PCDHGB1: variants seen among roughly 807,000 people sequenced by gnomAD.
PCDHGB1 encodes protocadherin gamma-B1.
In PCDHGB1, 34 loss-of-function variants were observed where a neutral mutation model predicts 56.6. The observed-to-expected ratio is 0.60, with a 90% CI of 0.46 to 0.80. PCDHGB1 has a LOEUF of 0.80. Ranked by LOEUF, PCDHGB1 falls within the 30% of genes least tolerant of loss-of-function variation. The probability of loss-of-function intolerance (pLI) is 0.00; values close to 1 mark genes in which losing one functional copy is unlikely to be tolerated. For synonymous variants in PCDHGB1, 561 were observed against 505.9 expected (o/e 1.11, Z -1.46); for missense variants, 1,278 against 1,204.6 (o/e 1.06, Z -0.90).
At chr5:141,497,983 C>T (rs2099780927) in intron 2 of PCDHGB1, among the ~76,000 whole-genome samples, 1 of 152,168 alleles carries the variant, frequency 6.6e-6, no homozygotes, top group African/African-American at 2.4e-5. Context: ...GTGGGAGGCC[C>T]CTGCCCTCAA....
intron 1 of PCDHGB1, chr5:141,361,685 AGCGCGCCTTCGATCATGAGCAGCT>A (rs772108372): frequency 1.1e-5 from 18 of 1,613,452 alleles, no homozygotes; most frequent in Non-Finnish European, 1.4e-5. Context: ...GTGTTCGCGC[AGCGCGCCTTCGATCATGAGCAGCT>A]GCGCGCCTTC....
chr5:141,357,443 C>G, intron 1 of PCDHGB1: 2 of 1,614,222 alleles, frequency 1.2e-6, no homozygotes, highest in Non-Finnish European at 8.5e-7. Flanking sequence ...GGGGTTCGGG[C>G]TTTCCTGCAG....
At chr5:141,394,338 T>C in intron 1 of PCDHGB1, 2 of 1,614,048 alleles carry the variant, frequency 1.2e-6, no homozygotes, top group Non-Finnish European at 1.7e-6. Flanking sequence ...CTCCATCAAC[T>C]CTGACACCGG....
chr5:141,433,939 A>T (rs1015984226), intron 1 of PCDHGB1, among the ~76,000 whole-genome samples: 2 of 151,714 alleles, frequency 1.3e-5, no homozygotes, highest in Non-Finnish European at 2.9e-5. Context: ...TTATAATTCC[A>T]TTGTTTCTTC....
rs751302023 is a variant in PCDHGB1 at position 141,364,590 on chromosome 5, C to A, written c.2409+11921C>A. 3.1e-6 allele frequency: 5 copies of A among 1,614,196 alleles called. No homozygotes were observed. The South Asian group carries it at 3.3e-5, about 11-fold the overall frequency. ...CCGCGAAGCGGCAGCTTGGTCACCG[C>A]GGGCAGGATAGACCGGGAGGAGCTC... On this transcript the variant is annotated intron_variant, in intron 1 of 3. Coordinates refer to ENST00000523390, the MANE Select transcript of PCDHGB1 (RefSeq NM_018922.3).
chr5:141,374,602 T>C, intron 1 of PCDHGB1: 2 of 1,613,652 alleles, frequency 1.2e-6, no homozygotes, highest in Non-Finnish European at 1.7e-6. Flanking sequence ...TTAAGCTCAG[T>C]GGTAATAGTC....
At chr5:141,404,780 A>G (rs746373854) in intron 1 of PCDHGB1, 2 of 1,612,764 alleles carry the variant, frequency 1.2e-6, no homozygotes, top group African/African-American at 1.3e-5. Flanking sequence ...CCGCCTATTC[A>G]AGGCCAGTGA....
At chr5:141,383,501 A>G in intron 1 of PCDHGB1, 1 of 1,612,940 alleles carries the variant, frequency 6.2e-7, no homozygotes. Context: ...CGGGTGCTGG[A>G]CCGGGAGGAA....
At chr5:141,443,090 C>T (rs1403922939) in intron 1 of PCDHGB1, among the ~76,000 whole-genome samples, 3 of 151,926 alleles carry the variant, frequency 2.0e-5, no homozygotes, top group Non-Finnish European at 2.9e-5. Context: ...TTCCAGTCTC[C>T]TTCTCAAGCT....
At chr5:141,362,732 A>G in intron 1 of PCDHGB1, 4 of 795,358 alleles carry the variant, frequency 5.0e-6, no homozygotes. Flanking sequence ...TGTGAGATTT[A>G]TTTACCCATG....
intron 1 of PCDHGB1, chr5:141,393,689 C>G (rs2150535299): frequency 6.2e-7 from 1 of 1,613,890 alleles, no homozygotes; most frequent in Middle Eastern, 1.7e-4. Context: ...CTCCGTTATT[C>G]CAGCTTAATG....
chr5:141,455,593 C>G (rs957677108), intron 1 of PCDHGB1, among the ~76,000 whole-genome samples: 19 of 152,068 alleles, frequency 1.2e-4, no homozygotes, highest in African/African-American at 4.6e-4. Context: ...AATATGCAAA[C>G]GTAGGGCGCC....
chr5:141,483,730 T>G (rs999201456), intron 1 of PCDHGB1, among the ~76,000 whole-genome samples: 1 of 152,014 alleles, frequency 6.6e-6, no homozygotes, highest in Non-Finnish European at 1.5e-5. Flanking sequence ...CCCACCATAG[T>G]CAAAAGGATA....
Position 141,399,778 on chromosome 5 carries a change from C to G in PCDHGB1, c.2409+47109C>G, listed in dbSNP as rs187080333. ...GAGCCTGCGCGTGTTGGTGGGCGACCGAAACGACAACGCACCGCGGGTGCT... is the reference window on the plus strand; with the variant it reads ...GAGCCTGCGCGTGTTGGTGGGCGACGGAAACGACAACGCACCGCGGGTGCT... On this transcript the variant is annotated intron_variant, in intron 1 of 3. Coordinates refer to ENST00000523390, the MANE Select transcript of PCDHGB1 (RefSeq NM_018922.3). The G allele has an allele frequency of 3.4e-4, 542 of 1,613,250 alleles. 2 individuals are homozygous for G. The African/African-American group carries it at 5.6e-3, about 17-fold the overall frequency.
At chr5:141,399,192 C>T (rs1561668217) in intron 1 of PCDHGB1, 1 of 1,613,846 alleles carries the variant, frequency 6.2e-7, no homozygotes, top group Non-Finnish European at 8.5e-7. Flanking sequence ...TTCTGGAAAA[C>T]GCGGTGCCTG....
chr5:141,374,636 G>A, intron 1 of PCDHGB1: 1 of 1,612,960 alleles, frequency 6.2e-7, no homozygotes, highest in Non-Finnish European at 8.5e-7. Flanking sequence ...CGTGCAAAGC[G>A]AAGCCCATGG....
Position 141,364,369 on chromosome 5 carries a change from G to A in PCDHGB1, c.2409+11700G>A, listed in dbSNP as rs561217831. The A allele has an allele frequency of 3.3e-5, 52 of 1,567,648 alleles. 1 individual carries two copies. Among genetic ancestry groups the A allele is most frequent in the Non-Finnish European group, 3.6e-5 (42 of 1,158,852 alleles). Reference sequence around the variant, plus strand: ...CTAGGGGCTGGGGCTGCGGAGAGCTGCTGCTGCCCTTCATGCTCCTGGGGA... The same window carrying A: ...CTAGGGGCTGGGGCTGCGGAGAGCTACTGCTGCCCTTCATGCTCCTGGGGA... On this transcript the variant is annotated intron_variant, in intron 1 of 3. Coordinates refer to ENST00000523390, the MANE Select transcript of PCDHGB1 (RefSeq NM_018922.3).
intron 1 of PCDHGB1, chr5:141,400,041 G>T (rs1354740714): frequency 1.2e-6 from 2 of 1,613,566 alleles, no homozygotes; most frequent in South Asian, 2.2e-5. Context: ...GCCAGCGCCT[G>T]CTGGTTGCTG....
chr5:141,428,090 G>A (rs1415146154), intron 1 of PCDHGB1: 1 of 1,608,870 alleles, frequency 6.2e-7, no homozygotes, highest in Non-Finnish European at 8.5e-7. Flanking sequence ...ACGCTTGGCT[G>A]TCCTACCACG....
Sources: gnomAD v4.1 joint callset for allele counts (sites outside exome capture counted in the v4.1 genomes callset) on GRCh38, gnomAD v4.1.1 for gene constraint, MANE v1.5 for transcripts, NCBI Gene and HGNC (gene_info 2026-07-23, HGNC 2026-07-21) for gene names.